TAFA2: variants seen among roughly 807,000 people sequenced by gnomAD.
The protein encoded by TAFA2 is TAFA chemokine like family member 2.
In TAFA2, 7 loss-of-function variants were observed where a neutral mutation model predicts 18.8. That is an observed-to-expected ratio of 0.37 (90% CI 0.21 to 0.70). The LOEUF (loss-of-function observed/expected upper bound fraction) is 0.70, where lower values mean the gene tolerates loss of function less well. Among genes scored for constraint, TAFA2 ranks in the 30% least tolerant of loss-of-function variants. TAFA2 has a pLI of 0.53. For missense variants in TAFA2, 122 were observed against 158.1 expected (o/e 0.77, Z 1.23); for synonymous variants, 60 against 54.2 (o/e 1.11, Z -0.47).
intron 1 of TAFA2, among the ~76,000 whole-genome samples, chr12:62,024,969 G>A (rs1881266581): frequency 6.6e-6 from 1 of 152,098 alleles, no homozygotes; most frequent in African/African-American, 2.4e-5. Flanking sequence ...TGCTGGCAAG[G>A]CTGCAGAGAA....
intron 1 of TAFA2, among the ~76,000 whole-genome samples, chr12:62,256,682 C>A (rs1317484203): frequency 6.6e-6 from 1 of 152,198 alleles, no homozygotes; most frequent in Non-Finnish European, 1.5e-5. Context: ...ACTATATTTT[C>A]ATTCTCTTTT....
intron 1 of TAFA2, among the ~76,000 whole-genome samples, chr12:61,923,191 C>T (rs1016970285): frequency 2.0e-5 from 3 of 152,198 alleles, no homozygotes; most frequent in Non-Finnish European, 4.4e-5. Flanking sequence ...TCCTGCCTGT[C>T]GGCTCTAAAG....
At chr12:62,034,599 T>C (rs1881551101) in intron 1 of TAFA2, among the ~76,000 whole-genome samples, 2 of 152,170 alleles carry the variant, frequency 1.3e-5, no homozygotes, top group South Asian at 2.1e-4. Context: ...TGACTGAGTA[T>C]ATATTAGACA....
At chr12:61,784,701 T>C (rs201192669) in intron 2 of TAFA2, among the ~76,000 whole-genome samples, 1 of 35,528 alleles carries the variant, frequency 2.8e-5, no homozygotes, top group Non-Finnish European at 5.4e-5. Flanking sequence ...CTCCCATTTT[T>C]CAAAAAAAAA....
chr12:61,833,305 G>A (rs1872787568), intron 2 of TAFA2, among the ~76,000 whole-genome samples: 1 of 151,454 alleles, frequency 6.6e-6, no homozygotes, highest in Non-Finnish European at 1.5e-5. Flanking sequence ...TGATTCTCGA[G>A]TCCAAACATA....
intron 1 of TAFA2, among the ~76,000 whole-genome samples, chr12:61,904,815 A>T (rs1426175888): frequency 6.6e-6 from 1 of 152,208 alleles, no homozygotes; most frequent in African/African-American, 2.4e-5. Context: ...AAAATGAATG[A>T]TACTAAAAAA....
chr12:61,760,884 A>AAAC (rs1319935602), intron 2 of TAFA2, among the ~76,000 whole-genome samples: 1 of 151,992 alleles, frequency 6.6e-6, no homozygotes, highest in Admixed American at 6.6e-5. Flanking sequence ...AAAAAAAAAA[A>AAAC]AAATTCTGAA....
upstream of TAFA2, chr12:62,258,964 C>T: frequency 5.4e-6 from 1 of 186,384 alleles, no homozygotes; most frequent in Non-Finnish European, 1.2e-5. Flanking sequence ...TTAAAACTCT[C>T]AATTCAAGGT....
chr12:61,759,915 AG>A (rs1422709292), intron 2 of TAFA2, among the ~76,000 whole-genome samples: 1 of 151,946 alleles, frequency 6.6e-6, no homozygotes, highest in Non-Finnish European at 1.5e-5. Context: ...TGGAAGAGAA[AG>A]GAAGTGAAAT....
At chr12:61,871,018 G>T (rs1316564669) in intron 1 of TAFA2, among the ~76,000 whole-genome samples, 1 of 152,118 alleles carries the variant, frequency 6.6e-6, no homozygotes, top group African/African-American at 2.4e-5. Flanking sequence ...TGTTGGTGGT[G>T]CCTTACAGAC....
At chr12:61,827,009 C>T (rs1225719833) in intron 2 of TAFA2, 1 of 151,946 alleles carries the variant, frequency 6.6e-6, no homozygotes, top group East Asian at 1.9e-4. Context: ...ATAGAACTTC[C>T]CAATCTTTAG....
chr12:62,178,335 G>A (rs2062528453), intron 1 of TAFA2, among the ~76,000 whole-genome samples: 1 of 152,196 alleles, frequency 6.6e-6, no homozygotes, highest in East Asian at 1.9e-4. Context: ...CCTCAGTGGG[G>A]CAGTAATAAA....
At chr12:61,929,818 T>C (rs1436819985) in intron 1 of TAFA2, among the ~76,000 whole-genome samples, 1 of 151,982 alleles carries the variant, frequency 6.6e-6, no homozygotes, top group Non-Finnish European at 1.5e-5. Context: ...TGGAATACTA[T>C]GCAGCCATAA....
At chr12:61,765,493 T>G (rs1869750135) in intron 2 of TAFA2, among the ~76,000 whole-genome samples, 1 of 152,084 alleles carries the variant, frequency 6.6e-6, no homozygotes, top group African/African-American at 2.4e-5. Flanking sequence ...AGTAATGGAC[T>G]TAGGAAGGAG....
intron 1 of TAFA2, among the ~76,000 whole-genome samples, chr12:62,239,207 C>A (rs777744970): frequency 2.6e-4 from 39 of 152,112 alleles, no homozygotes; most frequent in Admixed American, 1.1e-3. Flanking sequence ...CCATTTCTAT[C>A]TGCAATGGGC....
At chr12:62,079,789 G>A (rs1032184814) in intron 1 of TAFA2, among the ~76,000 whole-genome samples, 4 of 152,074 alleles carry the variant, frequency 2.6e-5, no homozygotes, top group East Asian at 3.9e-4. Context: ...CTTTTATCAG[G>A]TGAAGCTTCT....
In TAFA2 at chr12:62,132,651, G is replaced by A. The variant is rs371767172; in HGVS notation, c.-2+58608C>T. 2.6e-5 allele frequency among the ~76,000 whole-genome samples: 4 copies of A among 151,850 alleles called. No homozygotes were observed. In the East Asian group the frequency reaches 7.7e-4, roughly 29 times the overall value. On this transcript the variant is annotated intron_variant, in intron 1 of 4. Coordinates refer to ENST00000416284, the MANE Select transcript of TAFA2 (RefSeq NM_178539.5). The stretch of plus-strand genomic sequence containing the variant: ...TTAATATGTAAATCACAATATTGTA[G>A]TCAGATGCATACACCTTTATATGGA...
intron 1 of TAFA2, among the ~76,000 whole-genome samples, chr12:62,010,201 C>G (rs764435440): frequency 6.0e-5 from 8 of 132,862 alleles, no homozygotes; most frequent in Non-Finnish European, 1.1e-4. Flanking sequence ...TATTTGGTCT[C>G]CCTCTGTTAC....
At chr12:61,863,654 G>T (rs1874221195) in intron 2 of TAFA2, among the ~76,000 whole-genome samples, 2 of 152,184 alleles carry the variant, frequency 1.3e-5, no homozygotes, top group Admixed American at 1.3e-4. Context: ...GAAGCAGGTG[G>T]ATCTGAGGGC....
Sources: allele counts gnomAD v4.1 joint callset (sites outside exome capture counted in the v4.1 genomes callset), GRCh38; gene constraint gnomAD v4.1.1; transcripts MANE v1.5; gene names NCBI Gene and HGNC (gene_info 2026-07-23, HGNC 2026-07-21).